TMEM135: variants seen among roughly 807,000 people sequenced by gnomAD.
The protein encoded by TMEM135 is peroxisomal membrane protein 52.
In TMEM135, 30 loss-of-function variants were observed where a neutral mutation model predicts 60.3. The ratio of observed to expected loss-of-function variants is 0.50; its 90% CI spans 0.37 to 0.68. TMEM135 has a LOEUF of 0.68. Among genes scored for constraint, TMEM135 ranks in the 30% least tolerant of loss-of-function variants. The pLI is 0.00. For synonymous variants in TMEM135, 190 were observed against 186.7 expected (o/e 1.02, Z -0.14); for missense variants, 468 against 548.8 (o/e 0.85, Z 1.47).
rs1310256341 is a variant in TMEM135, at chr11:87,236,902, A to G, written c.509+218A>G. 2.6e-5 allele frequency among the ~76,000 whole-genome samples: 4 copies of G among 151,270 alleles called. No individual in the cohort carries two copies. In the East Asian group the frequency reaches 7.8e-4, roughly 30 times the overall value. On this transcript the variant is annotated intron_variant, in intron 6 of 14. Transcript: ENST00000305494. ...GGAAGACTTATTCTCCCCACCCCCC[A>G]TTCTATTTATAAGTTCATCCTAGAA...
At chr11:87,292,281 A>G (rs926289810) in intron 6 of TMEM135, among the ~76,000 whole-genome samples, 7 of 152,142 alleles carry the variant, frequency 4.6e-5, no homozygotes, top group Non-Finnish European at 7.4e-5. Flanking sequence ...TGTTATCACT[A>G]TATGACATAT....
rs1336540011 is a variant in TMEM135 at position 87,051,001 on chromosome 11, C to G, written c.141+12815C>G. Among the ~76,000 whole-genome samples, 270 of 87,218 alleles carry G rather than the reference C, an allele frequency of 3.1e-3. 2 individuals carry two copies. The highest frequency in any genetic ancestry group is 4.5e-3 in the Non-Finnish European group (221 of 48,918). The allele number at this position is 87,218 out of a possible 152,430, so 57.2% of individuals were successfully genotyped here. A position where few individuals can be genotyped will look rare whatever the true frequency, so the allele number is the denominator to read the frequency against. ...TGGGCTTCATCCCTGGGATGCAAGG[C>G]TGGTTCAATATACACAAATCAATAA... On this transcript the variant is annotated intron_variant, in intron 1 of 14. Coordinates refer to ENST00000305494, the MANE Select transcript of TMEM135 (RefSeq NM_022918.4).
intron 4 of TMEM135, among the ~76,000 whole-genome samples, chr11:87,129,484 C>A (rs1417939854): frequency 6.6e-6 from 1 of 151,134 alleles, no homozygotes; most frequent in Admixed American, 6.6e-5. Context: ...CTCAGGTAAT[C>A]CGTCTGCCTA....
intron 5 of TMEM135, among the ~76,000 whole-genome samples, chr11:87,185,865 A>G (rs760389227): frequency 2.0e-5 from 3 of 151,286 alleles, no homozygotes; most frequent in Admixed American, 1.3e-4. Flanking sequence ...TTAGGAAATC[A>G]TAGATTTAAA....
At chr11:87,152,077 G>A in intron 4 of TMEM135, among the ~76,000 whole-genome samples, 1 of 152,142 alleles carries the variant, frequency 6.6e-6, no homozygotes, top group Non-Finnish European at 1.5e-5. Flanking sequence ...GCTTTCTGGT[G>A]CCTTTCTATT....
intron 1 of TMEM135, among the ~76,000 whole-genome samples, chr11:87,039,347 G>A (rs1327941049): frequency 1.3e-5 from 2 of 152,052 alleles, no homozygotes; most frequent in African/African-American, 4.8e-5. Flanking sequence ...TGTTAAAATG[G>A]GGGTTCTAAT....
At chr11:87,181,640 T>C (rs1278626201) in intron 5 of TMEM135, among the ~76,000 whole-genome samples, 3 of 152,188 alleles carry the variant, frequency 2.0e-5, no homozygotes, top group Non-Finnish European at 4.4e-5. Flanking sequence ...GTGATGAAAC[T>C]GTTCGGCATA....
chr11:87,309,521 T>G lies in TMEM135; in HGVS notation c.785T>G (p.Phe262Cys), dbSNP rs1942606307. The G allele has an allele frequency of 1.2e-6, 2 of 1,613,734 alleles. No individual in the cohort carries two copies. Among genetic ancestry groups the G allele is most frequent in the Non-Finnish European group, 1.7e-6 (2 of 1,179,782 alleles). ...SYCIKGFIRMFSVGYLIQCCL... is the reference protein window; with the variant it reads ...SYCIKGFIRMCSVGYLIQCCL... Reference sequence around the variant, plus strand: ...TTCCTCTAGGGTTTCATCAGAATGTTTAGCGTGGGGTACTTGATCCAGTGC... The same window carrying G: ...TTCCTCTAGGGTTTCATCAGAATGTGTAGCGTGGGGTACTTGATCCAGTGC... Residue 262 changes from phenylalanine (F) to cysteine (C), a missense_variant, in exon 10 of 15, where the codon TTT becomes TGT. By Grantham distance (205) the Phe-to-Cys change is radical. Coordinates refer to ENST00000305494, the MANE Select transcript of TMEM135 (RefSeq NM_022918.4).
chr11:87,099,563 T>C (rs1260726241), intron 4 of TMEM135, among the ~76,000 whole-genome samples: 2 of 152,118 alleles, frequency 1.3e-5, no homozygotes, highest in African/African-American at 4.8e-5. Flanking sequence ...GGTTTTTAGC[T>C]GTTATGAACA....
chr11:87,162,286 T>G (rs559443856), intron 5 of TMEM135, among the ~76,000 whole-genome samples: 5 of 152,076 alleles, frequency 3.3e-5, no homozygotes, highest in Non-Finnish European at 7.4e-5. Context: ...GTTTGTTGCA[T>G]AGGTATACAC....
intron 5 of TMEM135, among the ~76,000 whole-genome samples, chr11:87,218,681 G>T (rs767381348): frequency 6.6e-6 from 1 of 152,138 alleles, no homozygotes; most frequent in Non-Finnish European, 1.5e-5. Context: ...TGTGCTGTAG[G>T]CTGGGCGCGG....
In TMEM135 at chr11:87,062,435, A is replaced by G. The variant is rs372891403; in HGVS notation, c.142-5259A>G. 8.9e-3 allele frequency among the ~76,000 whole-genome samples: 164 copies of G among 18,486 alleles called. 8 individuals carry two copies. In the East Asian group the frequency reaches 0.21, roughly 24 times the overall value. The allele number at this position is 18,486 out of a possible 152,430, so 12.1% of individuals were successfully genotyped here. On this transcript the variant is annotated intron_variant, in intron 1 of 14. Transcript: ENST00000305494. ...CCCCCAAGCCCCCCCCCCCCCCCGC[A>G]TAGATGTCCAATTCTTCTAATATCA... is the stretch of plus-strand genomic sequence containing the variant.
At chr11:87,189,359 C>G (rs1382825504) in intron 5 of TMEM135, among the ~76,000 whole-genome samples, 1 of 152,066 alleles carries the variant, frequency 6.6e-6, no homozygotes, top group Non-Finnish European at 1.5e-5. Context: ...CGGGGTTTTA[C>G]CATGTTGGCC....
chr11:87,266,806 C>G (rs1456438804), intron 6 of TMEM135, among the ~76,000 whole-genome samples: 1 of 152,136 alleles, frequency 6.6e-6, no homozygotes, highest in African/African-American at 2.4e-5. Flanking sequence ...GTTTGACGTA[C>G]TTGTTTTGTA....
At chr11:87,158,535 T>C (rs649693) in intron 5 of TMEM135, among the ~76,000 whole-genome samples, 55,040 of 150,410 alleles carry the variant, frequency 0.37, 10,610 homozygotes, top group East Asian at 0.67. Flanking sequence ...GATCTTGGCT[T>C]ACTACAAGCT....
intron 1 of TMEM135, among the ~76,000 whole-genome samples, chr11:87,039,884 A>G (rs1410769194): frequency 6.6e-6 from 1 of 152,194 alleles, no homozygotes; most frequent in Admixed American, 6.5e-5. Flanking sequence ...TAGACAATTT[A>G]TGGATTATAG....
chr11:87,161,155 C>G (rs1938867306), intron 5 of TMEM135, among the ~76,000 whole-genome samples: 1 of 152,152 alleles, frequency 6.6e-6, no homozygotes, highest in Non-Finnish European at 1.5e-5. Flanking sequence ...TCTTCCGCCT[C>G]CCAAAGTGTT....
intron 1 of TMEM135, among the ~76,000 whole-genome samples, chr11:87,053,326 A>G (rs1320857338): frequency 6.9e-6 from 1 of 144,592 alleles, no homozygotes; most frequent in East Asian, 1.9e-4. Flanking sequence ...TTTTTTATTG[A>G]TTATGAAAAG....
chr11:87,151,477 C>T (rs987264500), intron 4 of TMEM135, among the ~76,000 whole-genome samples: 3 of 151,770 alleles, frequency 2.0e-5, no homozygotes, highest in Non-Finnish European at 4.4e-5. Context: ...TTTCTTTTTT[C>T]TGTTTATTTT....
Sources: allele counts gnomAD v4.1 joint callset (sites outside exome capture counted in the v4.1 genomes callset), GRCh38; gene constraint gnomAD v4.1.1; transcripts MANE v1.5; gene names NCBI Gene and HGNC (gene_info 2026-07-23, HGNC 2026-07-21).